PLCH1: variants seen among roughly 807,000 people sequenced by gnomAD.
PLCH1 encodes the protein phospholipase C eta 1, also known as 1-phosphatidylinositol 4,5-bisphosphate phosphodiesterase eta-1.
In PLCH1, 60 loss-of-function variants were observed where a neutral mutation model predicts 126.7. That is an observed-to-expected ratio of 0.47 (90% confidence interval 0.38 to 0.59). The LOEUF (loss-of-function observed/expected upper bound fraction) is 0.59, where lower values mean the gene tolerates loss of function less well. PLCH1 is among the 20% of genes least tolerant of loss of function. The pLI is 0.00. For synonymous variants in PLCH1, 719 were observed against 734.9 expected (o/e 0.98, Z 0.35); for missense variants, 1,723 against 2,040.0 (o/e 0.84, Z 2.99).
chr3:155,678,173 G>C (rs557889436), intron 2 of PLCH1, among the ~76,000 whole-genome samples: 24 of 152,286 alleles, frequency 1.6e-4, no homozygotes, highest in African/African-American at 5.3e-4. Flanking sequence ...TTTACCCACT[G>C]GGAGTCTTGC....
intron 21 of PLCH1, among the ~76,000 whole-genome samples, chr3:155,472,703 A>T (rs1175582190): frequency 6.6e-6 from 1 of 151,052 alleles, no homozygotes; most frequent in South Asian, 2.1e-4. Flanking sequence ...AAACGAATCC[A>T]GCAGCACATC....
intron 6 of PLCH1, among the ~76,000 whole-genome samples, chr3:155,583,008 T>A (rs980687843): frequency 2.6e-5 from 4 of 151,596 alleles, no homozygotes; most frequent in Non-Finnish European, 5.9e-5. Flanking sequence ...CCTACCACAA[T>A]AGTAGTTAAG....
intron 10 of PLCH1, among the ~76,000 whole-genome samples, chr3:155,531,772 A>T (rs764156409): frequency 6.6e-6 from 1 of 152,144 alleles, no homozygotes; most frequent in South Asian, 2.1e-4. Context: ...TCTTGCCTTA[A>T]ACTTCATATA....
chr3:155,453,746 A>G (rs1034091331), intron 21 of PLCH1, among the ~76,000 whole-genome samples: 25 of 151,472 alleles, frequency 1.7e-4, no homozygotes, highest in African/African-American at 5.8e-4. Flanking sequence ...ATTTCTGATT[A>G]ATAATTAGAA....
chr3:155,670,148 A>C (rs1172221864), intron 2 of PLCH1, among the ~76,000 whole-genome samples: 1 of 152,214 alleles, frequency 6.6e-6, no homozygotes, highest in Non-Finnish European at 1.5e-5. Context: ...AATAAAACAA[A>C]GAAAAAAGAT....
chr3:155,686,862 A>G (rs1744990095), intron 2 of PLCH1, among the ~76,000 whole-genome samples: 1 of 152,158 alleles, frequency 6.6e-6, no homozygotes, highest in Admixed American at 6.5e-5. Flanking sequence ...GGGGCTTTCT[A>G]TTTAAAAAAA....
At chr3:155,471,496 C>A (rs1331989067) in intron 21 of PLCH1, among the ~76,000 whole-genome samples, 3 of 146,938 alleles carry the variant, frequency 2.0e-5, no homozygotes, top group Non-Finnish European at 4.5e-5. Flanking sequence ...TAACACCCCA[C>A]TGTCAACATT....
intron 1 of PLCH1, among the ~76,000 whole-genome samples, chr3:155,704,759 C>T (rs1019540566): frequency 1.3e-5 from 2 of 152,202 alleles, no homozygotes; most frequent in Admixed American, 6.5e-5. Context: ...ATGTGCCTCC[C>T]TCTTTTTGGT....
At chr3:155,518,843 G>C (rs1720698579) in intron 11 of PLCH1, among the ~76,000 whole-genome samples, 1 of 152,182 alleles carries the variant, frequency 6.6e-6, no homozygotes. Flanking sequence ...AAGAGGCAGA[G>C]ACTTCAAGTA....
intron 13 of PLCH1, among the ~76,000 whole-genome samples, chr3:155,501,939 A>T (rs777520910): frequency 3.3e-5 from 5 of 152,232 alleles, no homozygotes; most frequent in Admixed American, 2.0e-4. Flanking sequence ...GTGGCTTAGA[A>T]AGGGAAAGGG....
chr3:155,607,858 C>CA (rs1448123059), intron 2 of PLCH1, among the ~76,000 whole-genome samples: 1 of 152,158 alleles, frequency 6.6e-6, no homozygotes, highest in Non-Finnish European at 1.5e-5. Flanking sequence ...TATGGAGACT[C>CA]ACACTGTGAA....
rs764144303 is a variant in PLCH1, at chr3:155,485,659, T to A, written c.2671A>T (p.Ser891Cys). 8 of 1,607,778 alleles carry A rather than the reference T, an allele frequency of 5.0e-6. No homozygotes were observed. Among genetic ancestry groups the A allele is most frequent in the Admixed American group, 1.7e-5 (1 of 60,016 alleles). ...KGLFNKNPRH[S>C]SSENNSHYVR... Reference sequence around the variant, plus strand: ...TAATGGGAATTGTTTTCTGAAGAACTGTGCCTAGGATTCTTATTGAACAGT... The same window carrying A: ...TAATGGGAATTGTTTTCTGAAGAACAGTGCCTAGGATTCTTATTGAACAGT... The change falls in exon 22 of 23, where the codon AGT (serine) becomes TGT (cysteine). Residue 891 changes from serine (S) to cysteine (C), a missense_variant. Around this residue, in one of 2 missense-constraint regions of PLCH1, gnomAD observed 947 missense variants for 977.1 expected, o/e 0.97. Coordinates refer to ENST00000460012, the MANE Select transcript of PLCH1 (RefSeq NM_014996.4).
intron 13 of PLCH1, among the ~76,000 whole-genome samples, chr3:155,503,468 T>C (rs1012272797): frequency 6.6e-6 from 1 of 152,126 alleles, no homozygotes; most frequent in Non-Finnish European, 1.5e-5. Flanking sequence ...CATTCTATTA[T>C]CAATGGACAT....
At chr3:155,619,881 G>T (rs115505474) in intron 2 of PLCH1, among the ~76,000 whole-genome samples, 2,600 of 151,984 alleles carry the variant, frequency 0.017, 28 homozygotes, top group South Asian at 0.027. Flanking sequence ...AACAAAAATA[G>T]AACTCTGTGT....
At chr3:155,680,041 A>T (rs113118268) in intron 2 of PLCH1, among the ~76,000 whole-genome samples, 1 of 152,280 alleles carries the variant, frequency 6.6e-6, no homozygotes, top group East Asian at 1.9e-4. Flanking sequence ...AGAAGCTGTT[A>T]GTGTCTCTGG....
intron 8 of PLCH1, among the ~76,000 whole-genome samples, chr3:155,556,136 C>T (rs1253644873): frequency 6.6e-6 from 1 of 152,132 alleles, no homozygotes; most frequent in East Asian, 1.9e-4. Context: ...GATTGAAAGT[C>T]TGCCTTTAGA....
At chr3:155,486,140 A>G in intron 21 of PLCH1, 2 of 1,526,112 alleles carry the variant, frequency 1.3e-6, no homozygotes, top group Non-Finnish European at 1.8e-6. Context: ...CCATGCTGAG[A>G]AACTACCTTT....
chr3:155,683,750 A>T (rs1457149385), intron 2 of PLCH1, among the ~76,000 whole-genome samples: 1 of 152,220 alleles, frequency 6.6e-6, no homozygotes, highest in East Asian at 1.9e-4. Flanking sequence ...AGTGACATAT[A>T]TTAAAACAAA....
rs1274498111 is a variant in PLCH1 at position 155,508,548 on chromosome 3, A to C, written c.1633-3922T>G. Among the ~76,000 whole-genome samples the C allele has an allele frequency of 3.1e-3, 430 of 139,346 alleles. 1 individual carries two copies. The highest frequency in any genetic ancestry group is 0.012 in the African/African-American group (407 of 34,924). The allele number at this position is 139,346 out of a possible 152,430, so 91.4% of individuals were successfully genotyped here. A position where few individuals can be genotyped will look rare whatever the true frequency, so the allele number is the denominator to read the frequency against. Reference sequence around the variant, plus strand: ...CGTCCCATCAATACCTAATTTATTGAGAGTTTTTAGCATGAAGCTTGTTGA... The same window carrying C: ...CGTCCCATCAATACCTAATTTATTGCGAGTTTTTAGCATGAAGCTTGTTGA... On this transcript the variant is annotated intron_variant, in intron 12 of 22. Coordinates refer to ENST00000460012, the MANE Select transcript of PLCH1 (RefSeq NM_014996.4).
Sources: gnomAD v4.1 joint callset for allele counts (sites outside exome capture counted in the v4.1 genomes callset) on GRCh38, gnomAD v4.1.1 for gene constraint, gnomAD v4.1.1 regional missense constraint, MANE v1.5 for transcripts, NCBI Gene and HGNC (gene_info 2026-07-23, HGNC 2026-07-21) for gene names.